Variants in MGMT observed in about 807,000 individuals in gnomAD.
MGMT encodes the protein O-6-methylguanine-DNA methyltransferase, also known as methylated-DNA--protein-cysteine methyltransferase.
A neutral mutation model predicts 15.9 loss-of-function variants in MGMT; 14 were observed. That is an observed-to-expected ratio of 0.88 (90% CI 0.58 to 1.37). MGMT has a LOEUF of 1.37. Among genes scored for constraint, MGMT ranks in the 40% most tolerant of loss-of-function variants. The pLI, the probability that MGMT is intolerant of heterozygous loss-of-function variation, is 0.00. For synonymous variants in MGMT, 130 were observed against 118.2 expected, an observed-to-expected ratio of 1.10 and a Z score of -0.65; for missense variants, 282 against 268.1, an observed-to-expected ratio of 1.05 and a Z score of -0.36.
At chr10:129,660,762 A>G (rs1004785419) in intron 2 of MGMT, among the ~76,000 whole-genome samples, 1 of 141,072 alleles carries the variant, frequency 7.1e-6, no homozygotes, top group South Asian at 2.2e-4. Flanking sequence ...AAAGAGGAAG[A>G]TCCCCCACCC....
rs185399309 is a variant in MGMT at position 129,542,819 on chromosome 10, G to A, written c.125+6442G>A. On this transcript the variant is annotated intron_variant, in intron 2 of 4. Coordinates refer to ENST00000651593, the MANE Select transcript of MGMT (RefSeq NM_002412.5). Reference sequence around the variant, plus strand: ...TTGTTCTTGCCCCTGCTGGCTCTGCGATTCCATGTCGGTGAGGCCTGTCCA... The same window carrying A: ...TTGTTCTTGCCCCTGCTGGCTCTGCAATTCCATGTCGGTGAGGCCTGTCCA... Among the ~76,000 whole-genome samples, 1,241 of 152,284 alleles carry A rather than the reference G, an allele frequency of 8.1e-3. 9 individuals are homozygous for A. The highest frequency in any genetic ancestry group is 0.034 in the Middle Eastern group (10 of 292).
At chr10:129,655,203 G>GC (rs1424426490) in intron 2 of MGMT, among the ~76,000 whole-genome samples, 1 of 152,220 alleles carries the variant, frequency 6.6e-6, no homozygotes, top group African/African-American at 2.4e-5. Context: ...CCCGCGGAGG[G>GC]CCTGGGCAGA....
chr10:129,604,021 T>C (rs1846856480), intron 2 of MGMT, among the ~76,000 whole-genome samples: 1 of 152,142 alleles, frequency 6.6e-6, no homozygotes. Context: ...TGTCTGCGGG[T>C]GCCAGAGGTC....
intron 1 of MGMT, among the ~76,000 whole-genome samples, chr10:129,492,865 A>T (rs1280481173): frequency 6.6e-6 from 1 of 152,218 alleles, no homozygotes; most frequent in East Asian, 1.9e-4. Flanking sequence ...ATGAAAGTCC[A>T]TTCTGAGCAC....
intron 2 of MGMT, among the ~76,000 whole-genome samples, chr10:129,639,881 A>G (rs532166978): frequency 2.6e-5 from 4 of 152,006 alleles, no homozygotes; most frequent in East Asian, 1.9e-4. Context: ...GAAAATATCA[A>G]TGAGTCAAAG....
chr10:129,545,380 C>T (rs1846087505), intron 2 of MGMT, among the ~76,000 whole-genome samples: 1 of 152,164 alleles, frequency 6.6e-6, no homozygotes, highest in Admixed American at 6.5e-5. Context: ...GAGTGTCCTC[C>T]AGGTAATGTT....
At chr10:129,501,878 C>CT (rs35695044) in intron 1 of MGMT, among the ~76,000 whole-genome samples, 33,096 of 152,184 alleles carry the variant, frequency 0.22, 4,197 homozygotes, top group Non-Finnish European at 0.29. Flanking sequence ...CGTTCCACTC[C>CT]TTCAAGGGTG....
chr10:129,702,494 G>A (rs904013051), intron 2 of MGMT, among the ~76,000 whole-genome samples: 2 of 152,224 alleles, frequency 1.3e-5, no homozygotes, highest in Non-Finnish European at 2.9e-5. Flanking sequence ...TGGGCTCTGA[G>A]TGTTTCCCCA....
At chr10:129,557,097 A>G (rs1360217509) in intron 2 of MGMT, among the ~76,000 whole-genome samples, 3 of 152,234 alleles carry the variant, frequency 2.0e-5, no homozygotes, top group African/African-American at 7.2e-5. Context: ...AAATACAGAT[A>G]TCCACCTCCT....
chr10:129,562,861 G>A (rs974750255), intron 2 of MGMT, among the ~76,000 whole-genome samples: 4 of 152,292 alleles, frequency 2.6e-5, no homozygotes, highest in South Asian at 4.1e-4. Flanking sequence ...CAGTTATTTC[G>A]TCTTCAGCGA....
Position 129,560,104 on chromosome 10 carries a change from GA to G in MGMT, c.125+23732del, listed in dbSNP as rs543211284. Among the ~76,000 whole-genome samples the G allele has an allele frequency of 2.2e-4, 34 of 152,326 alleles. 1 individual carries two copies. Among genetic ancestry groups the G allele is most frequent in the East Asian group, 2.1e-3 (11 of 5,180 alleles). Reference sequence around the variant, plus strand: ...AAAAAGGCAGAGTCTGACATTCTGTGAAAAAGGTGCCTTCATTAATCATTCT... The same window carrying G: ...AAAAAGGCAGAGTCTGACATTCTGTGAAAAGGTGCCTTCATTAATCATTCT... On this transcript the variant is annotated intron_variant, in intron 2 of 4. Coordinates refer to ENST00000651593, the MANE Select transcript of MGMT (RefSeq NM_002412.5).
At chr10:129,683,672 ACTGGGTT>A (rs1387944380) in intron 2 of MGMT, among the ~76,000 whole-genome samples, 1 of 152,212 alleles carries the variant, frequency 6.6e-6, no homozygotes, top group Non-Finnish European at 1.5e-5. Flanking sequence ...ACATGTGAAC[ACTGGGTT>A]TCCTGTCATG....
At chr10:129,706,885 C>G (rs1848169540) in intron 2 of MGMT, among the ~76,000 whole-genome samples, 1 of 152,160 alleles carries the variant, frequency 6.6e-6, no homozygotes, top group African/African-American at 2.4e-5. Context: ...ACACCCCAAA[C>G]AGAAGCAGCC....
intron 2 of MGMT, among the ~76,000 whole-genome samples, chr10:129,653,875 T>A (rs1039673742): frequency 1.3e-5 from 2 of 152,076 alleles, no homozygotes; most frequent in East Asian, 3.9e-4. Context: ...AGGAGAAGCA[T>A]GAGGAGGACC....
intron 3 of MGMT, chr10:129,717,998 C>G (rs1295883439): frequency 6.6e-6 from 1 of 152,152 alleles, no homozygotes; most frequent in Non-Finnish European, 1.5e-5. Context: ...GGCCTTGCCC[C>G]CAGGATGTTT....
intron 3 of MGMT, among the ~76,000 whole-genome samples, chr10:129,735,187 G>A (rs1236760606): frequency 1.3e-5 from 2 of 152,104 alleles, no homozygotes; most frequent in Admixed American, 1.3e-4. Flanking sequence ...AATCCATCTG[G>A]TCCTGGACTC....
At chr10:129,572,419 C>A (rs1470225201) in intron 2 of MGMT, among the ~76,000 whole-genome samples, 1 of 152,140 alleles carries the variant, frequency 6.6e-6, no homozygotes, top group Non-Finnish European at 1.5e-5. Context: ...ACAGAAGACC[C>A]AGTTTAGTTT....
At chr10:129,585,909 C>A (rs1259766609) in intron 2 of MGMT, among the ~76,000 whole-genome samples, 2 of 151,442 alleles carry the variant, frequency 1.3e-5, no homozygotes, top group African/African-American at 2.4e-5. Flanking sequence ...CACTTCAGGG[C>A]CATTATTAAG....
intron 3 of MGMT, among the ~76,000 whole-genome samples, chr10:129,719,211 A>G (rs1054564169): frequency 6.6e-6 from 1 of 152,014 alleles, no homozygotes; most frequent in Non-Finnish European, 1.5e-5. Flanking sequence ...CGGGCTGTCT[A>G]GAGCTGGTCC....
Sources: gnomAD v4.1 joint callset for allele counts (sites outside exome capture counted in the v4.1 genomes callset) on GRCh38, gnomAD v4.1.1 for gene constraint, MANE v1.5 for transcripts, NCBI Gene and HGNC (gene_info 2026-07-23, HGNC 2026-07-21) for gene names.